The following SHISA9 variants were observed in gnomAD, a reference collection of about 807,000 sequenced individuals.
The protein encoded by SHISA9 is protein shisa-9.
Under a neutral mutation model 38.0 loss-of-function variants are expected in SHISA9, and 13 were observed. The observed-to-expected ratio is 0.34, with a 90% CI of 0.22 to 0.54. The LOEUF is 0.54. SHISA9 is among the 20% of genes least tolerant of loss of function. SHISA9 has a pLI of 0.91. For synonymous variants in SHISA9, 275 were observed against 242.0 expected, an observed-to-expected ratio of 1.14 and a Z score of -1.27; for missense variants, 538 against 575.8, an observed-to-expected ratio of 0.93 and a Z score of 0.67.
the SHISA9 span, among the ~76,000 whole-genome samples, chr16:13,299,721 A>AAC: frequency 6.6e-6 from 1 of 151,760 alleles, no homozygotes; most frequent in Non-Finnish European, 1.5e-5. Flanking sequence ...AAAAAAAAAA[A>AAC]AAACAAAAAA....
the SHISA9 span, among the ~76,000 whole-genome samples, chr16:13,278,942 T>C: frequency 6.6e-6 from 1 of 152,168 alleles, no homozygotes; most frequent in Admixed American, 6.6e-5. Flanking sequence ...GGTAATTTCT[T>C]CTGCTGGGTT....
At chr16:13,532,321 A>T in the SHISA9 span, among the ~76,000 whole-genome samples, 1 of 152,120 alleles carries the variant, frequency 6.6e-6, no homozygotes, top group Admixed American at 6.5e-5. Flanking sequence ...CCTTGGAAGG[A>T]GGGGGATACA....
the SHISA9 span, among the ~76,000 whole-genome samples, chr16:13,354,960 C>T: frequency 6.6e-6 from 1 of 150,690 alleles, no homozygotes; most frequent in Non-Finnish European, 1.5e-5. Flanking sequence ...AGGTAATTTG[C>T]TGAGCTTGAT....
At chr16:13,131,677 G>A (rs2050308023) in intron 2 of SHISA9, among the ~76,000 whole-genome samples, 1 of 152,126 alleles carries the variant, frequency 6.6e-6, no homozygotes, top group African/African-American at 2.4e-5. Context: ...GCCATATTTG[G>A]CCTATGAGCC....
At chr16:13,190,094 T>A (rs2050868468) in intron 2 of SHISA9, among the ~76,000 whole-genome samples, 1 of 151,704 alleles carries the variant, frequency 6.6e-6, no homozygotes, top group Non-Finnish European at 1.5e-5. Flanking sequence ...TTTTTTTTTT[T>A]TATGCTTTAA....
intron 2 of SHISA9, among the ~76,000 whole-genome samples, chr16:13,168,182 G>A (rs153094): frequency 0.23 from 35,626 of 152,054 alleles, 4,311 homozygotes; most frequent in East Asian, 0.41. Flanking sequence ...AACCACCTCC[G>A]TTATGGGCTG....
At chr16:12,903,705 T>G (rs2071054157) in intron 1 of SHISA9, among the ~76,000 whole-genome samples, 1 of 151,936 alleles carries the variant, frequency 6.6e-6, no homozygotes, top group African/African-American at 2.4e-5. Context: ...GGGCATAAGC[T>G]TTAACTGTCC....
intron 2 of SHISA9, among the ~76,000 whole-genome samples, chr16:13,042,015 TGAGG>T (rs1200217684): frequency 2.6e-5 from 4 of 152,224 alleles, no homozygotes. Context: ...AAGGGGATTT[TGAGG>T]AGGGATTGTA....
At chr16:13,025,610 C>G (rs2072910981) in intron 2 of SHISA9, among the ~76,000 whole-genome samples, 2 of 152,176 alleles carry the variant, frequency 1.3e-5, no homozygotes, top group African/African-American at 2.4e-5. Flanking sequence ...TGGGAATCAC[C>G]AACACACAGC....
chr16:12,920,171 G>C (rs936595173), intron 2 of SHISA9, among the ~76,000 whole-genome samples: 1 of 150,214 alleles, frequency 6.7e-6, no homozygotes, highest in African/African-American at 2.5e-5. Context: ...GTTTCAAGTC[G>C]TGGGTACGGG....
At chr16:12,927,709 G>C (rs1567342078) in intron 2 of SHISA9, among the ~76,000 whole-genome samples, 5 of 151,808 alleles carry the variant, frequency 3.3e-5, no homozygotes. Context: ...ATGACTGCCT[G>C]TTTTTTACTT....
chr16:12,982,603 C>A (rs1445614019), intron 2 of SHISA9, among the ~76,000 whole-genome samples: 1 of 152,198 alleles, frequency 6.6e-6, no homozygotes, highest in Non-Finnish European at 1.5e-5. Flanking sequence ...GTCAGGCCAA[C>A]TCATCATTCA....
chr16:13,041,768 T>G (rs1387102085), intron 2 of SHISA9, among the ~76,000 whole-genome samples: 3 of 152,202 alleles, frequency 2.0e-5, no homozygotes, highest in Non-Finnish European at 4.4e-5. Flanking sequence ...GGAAGGCTGA[T>G]AAAATACCAA....
chr16:13,034,911 T>A (rs191058916), intron 2 of SHISA9, among the ~76,000 whole-genome samples: 10 of 152,318 alleles, frequency 6.6e-5, no homozygotes, highest in East Asian at 1.9e-4. Flanking sequence ...GACATGTGAA[T>A]GAGCTAAGCT....
the SHISA9 span, among the ~76,000 whole-genome samples, chr16:13,412,740 C>T: frequency 2.6e-5 from 4 of 151,550 alleles, no homozygotes; most frequent in African/African-American, 9.8e-5. Context: ...ACTGGTAGTT[C>T]CAGGTACTTG....
chr16:13,492,003 A>G, the SHISA9 span, among the ~76,000 whole-genome samples: 1 of 151,556 alleles, frequency 6.6e-6, no homozygotes, highest in Non-Finnish European at 1.5e-5. Context: ...AACCAGAGCT[A>G]GTGACCTTTT....
chr16:13,243,567 A>G (rs895071319), downstream of SHISA9, among the ~76,000 whole-genome samples: 2 of 152,160 alleles, frequency 1.3e-5, no homozygotes, highest in Non-Finnish European at 2.9e-5. Context: ...AGTGGAGTCC[A>G]AAGTTTTATC....
the SHISA9 span, among the ~76,000 whole-genome samples, chr16:13,380,459 A>G: frequency 6.6e-6 from 1 of 152,184 alleles, no homozygotes; most frequent in East Asian, 1.9e-4. Context: ...AAACTAGAAG[A>G]CACTATAACA....
the SHISA9 span, among the ~76,000 whole-genome samples, chr16:13,552,286 G>A: frequency 3.3e-5 from 5 of 152,056 alleles, no homozygotes; most frequent in African/African-American, 1.2e-4. Flanking sequence ...CTCCCCGGTG[G>A]TTCCCCATCA....
Sources: allele counts gnomAD v4.1 joint callset (sites outside exome capture counted in the v4.1 genomes callset), GRCh38; gene constraint gnomAD v4.1.1; transcripts MANE v1.5; gene names NCBI Gene and HGNC (gene_info 2026-07-23, HGNC 2026-07-21).